FAM118B: variants seen among roughly 807,000 people sequenced by gnomAD.
FAM118B encodes protein FAM118B.
FAM118B carries 24 observed loss-of-function variants against 38.5 expected under a neutral mutation model. The ratio of observed to expected loss-of-function variants is 0.62; its 90% CI spans 0.45 to 0.88. FAM118B has a LOEUF of 0.88. Ranked by LOEUF, FAM118B falls within the 40% of genes least tolerant of loss-of-function variation. FAM118B has a pLI of 0.00. For missense variants in FAM118B, 334 were observed against 420.0 expected (o/e 0.80, Z 1.79); for synonymous variants, 138 against 156.3 (o/e 0.88, Z 0.87).
chr11:126,254,141 AG>A (rs1445871445), intron 5 of FAM118B, among the ~76,000 whole-genome samples, 163 bp from the exon 6 acceptor site: 1 of 152,236 alleles, frequency 6.6e-6, no homozygotes, highest in African/African-American at 2.4e-5. Flanking sequence ...TCATTCCTGA[AG>A]TGGAAACTTA....
At position 126,262,308 on chromosome 11, in the gene FAM118B, T is replaced by G; in HGVS notation, c.*175T>G. ...TTGCAGCGTAATCCTTCATACCACC[T>G]GGTTCTTGATATTCTGCCGCCTGTT... On this transcript the variant is annotated 3_prime_UTR_variant, in exon 9 of 9. Coordinates refer to ENST00000533050, the MANE Select transcript of FAM118B (RefSeq NM_024556.4). 1 of 633,222 alleles carries G rather than the reference T, an allele frequency of 1.6e-6. No individual in the cohort carries two copies. The highest frequency in any genetic ancestry group is 2.7e-6 in the Non-Finnish European group (1 of 365,324). The allele number at this position is 633,222 out of a possible 1,614,324, so 39.2% of individuals were successfully genotyped here.
intron 1 of FAM118B, among the ~76,000 whole-genome samples, chr11:126,213,930 C>T (rs1000971093): frequency 6.6e-6 from 1 of 152,140 alleles, no homozygotes; most frequent in Non-Finnish European, 1.5e-5. Flanking sequence ...TTAAAGAATT[C>T]AAAGTTTTTG....
At chr11:126,247,150 G>A (rs544896151) in intron 4 of FAM118B, among the ~76,000 whole-genome samples, 3 of 152,210 alleles carry the variant, frequency 2.0e-5, no homozygotes, top group African/African-American at 4.8e-5. Flanking sequence ...AAAAGTAGTC[G>A]GCGTGGTGGT....
intron 8 of FAM118B, 93 bp from the exon 9 acceptor site, chr11:126,262,027 G>T: frequency 8.2e-7 from 1 of 1,218,000 alleles, no homozygotes; most frequent in Non-Finnish European, 1.2e-6. Context: ...CTTGCCTTCT[G>T]AAGGGTTAGG....
At chr11:126,245,823 C>T (rs540798739) in intron 4 of FAM118B, among the ~76,000 whole-genome samples, 93 of 152,050 alleles carry the variant, frequency 6.1e-4, no homozygotes, top group African/African-American at 2.2e-3. Context: ...ATGGTGAAAC[C>T]CCATCTCTAA....
intron 2 of FAM118B, among the ~76,000 whole-genome samples, chr11:126,231,119 G>T (rs1223853561): frequency 6.6e-6 from 1 of 152,114 alleles, no homozygotes; most frequent in South Asian, 2.1e-4. Context: ...TAATGAGGTT[G>T]CTGTTACTTT....
At chr11:126,219,011 A>G (rs1950022485) in intron 1 of FAM118B, among the ~76,000 whole-genome samples, 1 of 152,180 alleles carries the variant, frequency 6.6e-6, no homozygotes, top group South Asian at 2.1e-4. Flanking sequence ...GAGGAAGAGA[A>G]TTTGCGCATT....
chr11:126,249,656 GGC>G (rs1565337495), intron 4 of FAM118B, among the ~76,000 whole-genome samples: 1 of 150,970 alleles, frequency 6.6e-6, no homozygotes, highest in African/African-American at 2.4e-5. Context: ...GCTTGAACCT[GGC>G]GGGGCGGAGG....
intron 1 of FAM118B, among the ~76,000 whole-genome samples, chr11:126,220,337 C>T (rs988979277): frequency 4.9e-4 from 75 of 152,124 alleles, no homozygotes; most frequent in Non-Finnish European, 7.8e-4. Context: ...TTTTTAGTCT[C>T]CCTAACCTGC....
intron 2 of FAM118B, among the ~76,000 whole-genome samples, chr11:126,231,648 G>T (rs1443321577): frequency 6.6e-6 from 1 of 152,122 alleles, no homozygotes; most frequent in Non-Finnish European, 1.5e-5. Flanking sequence ...GAAGCGATTG[G>T]CTATATTTAA....
chr11:126,237,215 C>CT (rs34631802), intron 3 of FAM118B, among the ~76,000 whole-genome samples: 16,851 of 42,484 alleles, frequency 0.4, 5,696 homozygotes, highest in African/African-American at 0.44. Context: ...CGCGCCTGGC[C>CT]TTTTTTTTTT....
chr11:126,236,836 T>C (rs529475883), intron 3 of FAM118B, among the ~76,000 whole-genome samples: 33 of 151,874 alleles, frequency 2.2e-4, no homozygotes, highest in Non-Finnish European at 2.5e-4. Flanking sequence ...GATTTAAAAA[T>C]TTCTGTTGCG....
chr11:126,243,103 A>T (rs553775403), intron 4 of FAM118B, among the ~76,000 whole-genome samples: 1 of 152,324 alleles, frequency 6.6e-6, no homozygotes, highest in East Asian at 1.9e-4. Flanking sequence ...CCAGACACAA[A>T]AGGACATATA....
rs373190854 is a variant in FAM118B at position 126,223,155 on chromosome 11, C to T, written c.-76-6070C>T. Reference sequence around the variant, plus strand: ...AGGCCTGTGCGCCTCAAGAGCCCAGCGAGTGAGGGAGGGGGCTGGATGGAT... The same window carrying T: ...AGGCCTGTGCGCCTCAAGAGCCCAGTGAGTGAGGGAGGGGGCTGGATGGAT... On this transcript the variant is annotated intron_variant, in intron 1 of 8. Transcript: ENST00000533050. Among the ~76,000 whole-genome samples, 17 of 151,720 alleles carry T rather than the reference C, an allele frequency of 1.1e-4. 1 individual carries two copies. Among genetic ancestry groups the T allele is most frequent in the African/African-American group, 3.6e-4 (15 of 41,268 alleles).
At chr11:126,247,866 A>AT (rs1184417907) in intron 4 of FAM118B, among the ~76,000 whole-genome samples, 2,763 of 144,912 alleles carry the variant, frequency 0.019, 45 homozygotes, top group African/African-American at 0.028. Flanking sequence ...TCAAAAAAAA[A>AT]ATATATATAT....
chr11:126,261,174 G>GTAAAATA, intron 7 of FAM118B: 1 of 474,954 alleles, frequency 2.1e-6, no homozygotes, highest in South Asian at 3.5e-5. Flanking sequence ...AATGTAAAAT[G>GTAAAATA]TAAAATGTTT....
intron 4 of FAM118B, among the ~76,000 whole-genome samples, chr11:126,242,024 C>CAA (rs60865966): frequency 4.5e-5 from 4 of 88,404 alleles, no homozygotes; most frequent in South Asian, 3.9e-4. Context: ...GACTCCGTCT[C>CAA]AAAAAAAAAA....
At chr11:126,261,521 A>T (rs1440631779) in intron 8 of FAM118B, 37 bp downstream of exon 8, 6 of 1,551,994 alleles carry the variant, frequency 3.9e-6, no homozygotes, top group Non-Finnish European at 5.3e-6. Flanking sequence ...ATCACTCTGT[A>T]GCAGAAAGTC....
intron 3 of FAM118B, among the ~76,000 whole-genome samples, chr11:126,238,777 C>A (rs536570558): frequency 6.6e-6 from 1 of 152,036 alleles, no homozygotes; most frequent in African/African-American, 2.4e-5. Context: ...AAAATTCTAC[C>A]AAGGGAATCG....
Sources: allele counts gnomAD v4.1 joint callset (sites outside exome capture counted in the v4.1 genomes callset), GRCh38; gene constraint gnomAD v4.1.1; transcripts MANE v1.5; gene names NCBI Gene and HGNC (gene_info 2026-07-23, HGNC 2026-07-21).